Variants in DDX10 observed in about 807,000 individuals in gnomAD.
DDX10 encodes DEAD-box helicase 10, also known as probable ATP-dependent RNA helicase DDX10.
DDX10 carries 74 observed loss-of-function variants against 104.3 expected under a neutral mutation model. The observed-to-expected ratio is 0.71, with a 90% CI of 0.59 to 0.86. The LOEUF is 0.86. Among genes scored for constraint, DDX10 ranks in the 40% least tolerant of loss-of-function variants. The probability of loss-of-function intolerance (pLI) is 0.00; values close to 1 mark genes in which losing one functional copy is unlikely to be tolerated. For synonymous variants in DDX10, 351 were observed against 353.4 expected (o/e 0.99, Z 0.08); for missense variants, 952 against 1,040.0 (o/e 0.92, Z 1.16).
chr11:108,816,502 C>A (rs1287180566), intron 13 of DDX10, among the ~76,000 whole-genome samples: 2 of 151,770 alleles, frequency 1.3e-5, no homozygotes, highest in East Asian at 3.9e-4. Context: ...ACATTGTTCA[C>A]TTACTGCCCT....
chr11:108,719,773 A>G, intron 11 of DDX10, 24 bp from the exon 12 acceptor site: 1 of 1,387,770 alleles, frequency 7.2e-7, no homozygotes, highest in Non-Finnish European at 1.0e-6. Context: ...ATTATATTGT[A>G]CTTTTCAACC....
intron 6 of DDX10, among the ~76,000 whole-genome samples, chr11:108,684,356 C>A: frequency 9.1e-6 from 1 of 109,588 alleles, no homozygotes; most frequent in Non-Finnish European, 1.8e-5. Context: ...CCCCCTCCCC[C>A]GACCCCACCA....
chr11:108,772,929 G>T (rs1233095635), intron 13 of DDX10, among the ~76,000 whole-genome samples: 2 of 152,124 alleles, frequency 1.3e-5, no homozygotes, highest in Admixed American at 1.3e-4. Context: ...TTTAACCCAC[G>T]ATTGCTTTTG....
At chr11:108,666,707 G>T (rs1170325926) in intron 1 of DDX10, among the ~76,000 whole-genome samples, 1 of 152,156 alleles carries the variant, frequency 6.6e-6, no homozygotes, top group Non-Finnish European at 1.5e-5. Context: ...GCCTTCTCCT[G>T]TGTCAGTCTA....
intron 13 of DDX10, among the ~76,000 whole-genome samples, chr11:108,777,589 C>G (rs1456672465): frequency 1.3e-5 from 2 of 152,174 alleles, no homozygotes; most frequent in Non-Finnish European, 1.5e-5. Context: ...TCCTGAAGTG[C>G]TGGGATTACA....
At chr11:108,871,100 C>A (rs1863076038) in intron 16 of DDX10, among the ~76,000 whole-genome samples, 1 of 152,108 alleles carries the variant, frequency 6.6e-6, no homozygotes, top group Non-Finnish European at 1.5e-5. Context: ...CACACATGGA[C>A]AATCTCTAAT....
intron 16 of DDX10, among the ~76,000 whole-genome samples, chr11:108,853,210 A>G (rs558779414): frequency 6.6e-6 from 1 of 152,184 alleles, no homozygotes; most frequent in Non-Finnish European, 1.5e-5. Context: ...GCTTCTGCAT[A>G]TGCTTTAACG....
chr11:108,912,695 C>T (rs1410308234), intron 16 of DDX10, among the ~76,000 whole-genome samples: 11 of 152,198 alleles, frequency 7.2e-5, no homozygotes, highest in Admixed American at 6.5e-4. Context: ...ATACCCTCCT[C>T]ACAATTTGCC....
At chr11:108,676,955 A>G in intron 3 of DDX10, 130 bp from the exon 4 acceptor site, 2 of 715,532 alleles carry the variant, frequency 2.8e-6, no homozygotes, top group Non-Finnish European at 2.3e-6. Context: ...TTTACTTTGG[A>G]CTGGATAAAA....
Position 108,679,506 on chromosome 11 carries a change from G to A in DDX10, c.794G>A (p.Arg265His), listed in dbSNP as rs774783994. 15 of 1,612,558 alleles carry A rather than the reference G, an allele frequency of 9.3e-6. No individual in the cohort carries two copies. The highest frequency in any genetic ancestry group is 1.2e-5 in the Non-Finnish European group (14 of 1,179,624). ...ACTAAATCTGTAAAGGACCTTGCACGCTTGAGTTTGAAAAACCCTGAGTAT... is the reference window on the plus strand; with the variant it reads ...ACTAAATCTGTAAAGGACCTTGCACACTTGAGTTTGAAAAACCCTGAGTAT... ...TQTKSVKDLA[R>H]LSLKNPEYVW... The change falls in exon 6 of 18, where the codon CGC becomes CAC. Residue 265 changes from arginine to histidine, a missense_variant. Arg to His is a conservative substitution (Grantham distance 29, BLOSUM62 0). Around this residue, in one of 3 missense-constraint regions of DDX10, gnomAD observed 412 missense variants for 479.2 expected, o/e 0.86. Coordinates refer to ENST00000322536, the MANE Select transcript of DDX10 (RefSeq NM_004398.4).
intron 13 of DDX10, among the ~76,000 whole-genome samples, chr11:108,831,441 A>G (rs1353129124): frequency 6.6e-6 from 1 of 151,106 alleles, no homozygotes; most frequent in East Asian, 1.9e-4. Flanking sequence ...AAAAAAAAAA[A>G]AAAAGAAATG....
chr11:108,918,136 A>T (rs1382973601), intron 17 of DDX10, 118 bp downstream of exon 17: 1 of 1,012,468 alleles, frequency 9.9e-7, no homozygotes, highest in Admixed American at 2.2e-5. Context: ...CTTTTTTTTG[A>T]TACCTTTACT....
At chr11:108,844,346 T>C (rs574890899) in intron 15 of DDX10, among the ~76,000 whole-genome samples, 155 of 152,358 alleles carry the variant, frequency 1.0e-3, no homozygotes, top group Admixed American at 1.5e-3. Flanking sequence ...ATTGATTTTA[T>C]AGTATTTTCA....
At chr11:108,673,069 C>T (rs1292433646) in intron 1 of DDX10, among the ~76,000 whole-genome samples, 1 of 152,150 alleles carries the variant, frequency 6.6e-6, no homozygotes, top group Non-Finnish European at 1.5e-5. Context: ...GAACTATTTT[C>T]ATTGTGATCT....
At chr11:108,746,663 A>G (rs1483511906) in intron 13 of DDX10, among the ~76,000 whole-genome samples, 1 of 152,082 alleles carries the variant, frequency 6.6e-6, no homozygotes, top group Non-Finnish European at 1.5e-5. Context: ...ACCATTTTAC[A>G]TTTCCCACCA....
In DDX10 at chr11:108,796,370, C is replaced by T. The variant is rs147232473; in HGVS notation, c.1966-42076C>T. Among the ~76,000 whole-genome samples, 334 of 152,298 alleles carry T rather than the reference C, an allele frequency of 2.2e-3. 1 individual carries two copies. Among genetic ancestry groups the T allele is most frequent in the Middle Eastern group, 6.8e-3 (2 of 294 alleles). On this transcript the variant is annotated intron_variant, in intron 13 of 17. Transcript: ENST00000322536. Reference sequence around the variant, plus strand: ...TCTGTTTTATCCTTTCATCTTCCAGCAAACATATGCTTTTGGGGACAGATT... The same window carrying T: ...TCTGTTTTATCCTTTCATCTTCCAGTAAACATATGCTTTTGGGGACAGATT...
intron 13 of DDX10, among the ~76,000 whole-genome samples, chr11:108,743,089 C>A (rs1299417848): frequency 6.6e-6 from 1 of 152,070 alleles, no homozygotes; most frequent in Non-Finnish European, 1.5e-5. Flanking sequence ...AAGAAAACTT[C>A]AGGTCAATAT....
At chr11:108,690,961 T>C (rs891432452) in intron 7 of DDX10, 5 of 152,532 alleles carry the variant, frequency 3.3e-5, no homozygotes, top group African/African-American at 1.2e-4. Context: ...TGCCATTTGA[T>C]GTTTTCTTGG....
At chr11:108,675,418 CT>C (rs766740001) in intron 2 of DDX10, among the ~76,000 whole-genome samples, 177 bp from the exon 3 acceptor site, 4 of 150,676 alleles carry the variant, frequency 2.7e-5, no homozygotes, top group Non-Finnish European at 5.9e-5. Context: ...GAGTCCACCC[CT>C]ATGGGGCTCT....
Sources: gnomAD v4.1 joint callset for allele counts (sites outside exome capture counted in the v4.1 genomes callset) on GRCh38, gnomAD v4.1.1 for gene constraint, gnomAD v4.1.1 regional missense constraint, MANE v1.5 for transcripts, NCBI Gene and HGNC (gene_info 2026-07-23, HGNC 2026-07-21) for gene names.